TEAD4: variants seen among roughly 807,000 people sequenced by gnomAD.
TEAD4 encodes the protein TEA domain transcription factor 4, also known as transcriptional enhancer factor TEF-3.
TEAD4 carries 36 observed loss-of-function variants against 52.4 expected under a neutral mutation model. The observed-to-expected ratio is 0.69, with a 90% CI of 0.53 to 0.91. The LOEUF (loss-of-function observed/expected upper bound fraction) is 0.91, where lower values mean the gene tolerates loss of function less well. TEAD4 is among the 40% of genes least tolerant of loss of function. The probability of loss-of-function intolerance (pLI) is 0.00; values close to 1 mark genes in which losing one functional copy is unlikely to be tolerated. For synonymous variants in TEAD4, 220 were observed against 231.0 expected, an observed-to-expected ratio of 0.95 and a Z score of 0.43; for missense variants, 508 against 583.9, an observed-to-expected ratio of 0.87 and a Z score of 1.34.
chr12:3,012,139 T>G (rs1591584809), intron 4 of TEAD4, 31 bp from the exon 5 acceptor site: 1 of 1,610,384 alleles, frequency 6.2e-7, no homozygotes, highest in South Asian at 1.1e-5. Flanking sequence ...TGTTGGGAGG[T>G]AGAGACAGGA....
intron 3 of TEAD4, among the ~76,000 whole-genome samples, chr12:3,007,023 TCAAAA>T (rs961920396): frequency 1.3e-5 from 2 of 152,122 alleles, no homozygotes; most frequent in African/African-American, 4.8e-5. Context: ...AGACTCCCTC[TCAAAA>T]CAAAACAAAA....
intron 2 of TEAD4, among the ~76,000 whole-genome samples, chr12:2,971,447 GTTTTAT>G (rs1047090283): frequency 6.6e-5 from 10 of 151,896 alleles, no homozygotes; most frequent in Non-Finnish European, 1.2e-4. Context: ...TTTTTTGCGG[GTTTTAT>G]TTTTATTTTT....
chr12:3,040,067 G>C, intron 11 of TEAD4, 40 bp from the exon 12 acceptor site: 1 of 1,609,944 alleles, frequency 6.2e-7, no homozygotes, highest in East Asian at 2.2e-5. Context: ...GAGGTGGTCA[G>C]AATGGGATTC....
At chr12:3,006,890 G>A (rs888753280) in intron 3 of TEAD4, among the ~76,000 whole-genome samples, 13 of 151,416 alleles carry the variant, frequency 8.6e-5, no homozygotes, top group African/African-American at 2.9e-4. Context: ...GCCAGGTGTG[G>A]TGGTGTGCGC....
chr12:2,994,876 A>G lies in TEAD4; in HGVS notation c.110A>G (p.Asn37Ser), dbSNP rs776850143. 3.7e-6 allele frequency: 6 copies of G among 1,614,010 alleles called. No individual in the cohort carries two copies. In the East Asian group the frequency reaches 8.9e-5, roughly 24 times the overall value. Residue 37 changes from asparagine to serine, a missense_variant, in exon 3 of 13, where the codon AAT (asparagine) becomes AGT (serine). Asn to Ser is a conservative substitution (Grantham distance 46, BLOSUM62 1). Transcript: ENST00000359864. The surrounding 1 kb of genome is among the most constrained non-coding windows in gnomAD (Gnocchi z 4.7). ...CAGGCACTGGACAAGCCCATCGACA[A>G]TGACGCAGAGGGCGTGTGGAGCCCG...
chr12:2,989,193 C>T lies in TEAD4; in HGVS notation c.-29-5545C>T, dbSNP rs932856702. Among the ~76,000 whole-genome samples the T allele has an allele frequency of 4.6e-5, 7 of 152,094 alleles. No individual in the cohort carries two copies. In the East Asian group the frequency reaches 5.8e-4, roughly 13 times the overall value. On this transcript the variant is annotated intron_variant, in intron 2 of 12. Coordinates refer to ENST00000359864, the MANE Select transcript of TEAD4 (RefSeq NM_003213.4). ...GGCTTCAAGCAACCCTCCTGCCTCT[C>T]GGCCTCCCAAAGTGCTGAGATTATA...
intron 2 of TEAD4, among the ~76,000 whole-genome samples, chr12:2,983,028 G>A (rs1457260647): frequency 6.6e-6 from 1 of 152,086 alleles, no homozygotes; most frequent in African/African-American, 2.4e-5. Flanking sequence ...GGAGGTGGCG[G>A]CCCTCCTTTC....
chr12:3,010,463 T>C (rs1354135938), intron 3 of TEAD4, among the ~76,000 whole-genome samples: 1 of 152,196 alleles, frequency 6.6e-6, no homozygotes, highest in South Asian at 2.1e-4. Context: ...GCGGACGGGC[T>C]CAGGCCTCCT....
chr12:2,999,093 C>G (rs922299185), intron 3 of TEAD4, among the ~76,000 whole-genome samples: 1 of 152,184 alleles, frequency 6.6e-6, no homozygotes. Context: ...GAGCTCACCC[C>G]CAGTGTGTGG....
At chr12:2,978,061 G>T (rs1172017914) in intron 2 of TEAD4, among the ~76,000 whole-genome samples, 1 of 152,202 alleles carries the variant, frequency 6.6e-6, no homozygotes, top group Non-Finnish European at 1.5e-5. Context: ...GTGACCTGGG[G>T]ACTCTCCTGT....
At chr12:2,998,962 GCTCACCCCGTCTCTT>G (rs1335033204) in intron 3 of TEAD4, among the ~76,000 whole-genome samples, 1 of 152,128 alleles carries the variant, frequency 6.6e-6, no homozygotes, top group Non-Finnish European at 1.5e-5. Flanking sequence ...CCAGACACCC[GCTCACCCCGTCTCTT>G]CTTACCAGTC....
intron 2 of TEAD4, among the ~76,000 whole-genome samples, chr12:2,970,944 GC>G (rs1242509101): frequency 1.3e-5 from 2 of 152,328 alleles, no homozygotes; most frequent in Non-Finnish European, 2.9e-5. Context: ...GAAGAAGTAA[GC>G]TGTACCAGTG....
chr12:2,961,497 G>A (rs768333126), intron 2 of TEAD4, among the ~76,000 whole-genome samples: 3 of 152,088 alleles, frequency 2.0e-5, no homozygotes, highest in Admixed American at 6.6e-5. Context: ...TCTTCGGCCT[G>A]GTGTGCGACT....
chr12:3,032,306 G>A lies in TEAD4; in HGVS notation c.898-5662G>A, dbSNP rs551481787. Among the ~76,000 whole-genome samples, 90 of 152,302 alleles carry A rather than the reference G, an allele frequency of 5.9e-4. 1 individual carries two copies. The highest frequency in any genetic ancestry group is 6.2e-4 in the South Asian group (3 of 4,828). ...GATTCAGCAGGTTCCCTTGTGGACC[G>A]TGTGCTCCAGCCGTGTGCTGTACGG... is the stretch of plus-strand genomic sequence containing the variant. On this transcript the variant is annotated intron_variant, in intron 10 of 12. Coordinates refer to ENST00000359864, the MANE Select transcript of TEAD4 (RefSeq NM_003213.4).
chr12:3,002,136 G>T (rs2098252222), intron 3 of TEAD4, among the ~76,000 whole-genome samples: 1 of 152,092 alleles, frequency 6.6e-6, no homozygotes, highest in Admixed American at 6.5e-5. Flanking sequence ...TTTTATGTCT[G>T]GCTTATTTCA....
intron 5 of TEAD4, among the ~76,000 whole-genome samples, chr12:3,013,465 G>A (rs1399990447): frequency 6.6e-5 from 10 of 152,110 alleles, no homozygotes; most frequent in South Asian, 2.1e-4. Context: ...GAGGCCAGGC[G>A]CGGTGGCTCA....
In TEAD4 at chr12:3,018,417, T is replaced by G. The variant is rs576120851; in HGVS notation, c.484-128T>G. The stretch of plus-strand genomic sequence containing the variant: ...CTGTGGCCTGTTAGCATTCACTAGC[T>G]AGGCGAGGCCTCGGGCTCCAGCCTC... On this transcript the variant is annotated intron_variant, in intron 6 of 12. Coordinates refer to ENST00000359864, the MANE Select transcript of TEAD4 (RefSeq NM_003213.4). 5.4e-4 allele frequency: 558 copies of G among 1,031,762 alleles called. 5 individuals carry two copies. In the East Asian group the frequency reaches 0.011, roughly 21 times the overall value. The allele number at this position is 1,031,762 out of a possible 1,614,324, so 63.9% of individuals were successfully genotyped here. A position where few individuals can be genotyped will look rare whatever the true frequency, so the allele number is the denominator to read the frequency against.
chr12:2,991,112 T>G (rs2098242622), intron 2 of TEAD4, among the ~76,000 whole-genome samples: 1 of 152,136 alleles, frequency 6.6e-6, no homozygotes, highest in African/African-American at 2.4e-5. Flanking sequence ...GGCAGGAGGA[T>G]CTCTTGAACC....
intron 10 of TEAD4, among the ~76,000 whole-genome samples, chr12:3,024,219 C>T (rs2153957681): frequency 6.6e-6 from 1 of 152,096 alleles, no homozygotes; most frequent in East Asian, 1.9e-4. Flanking sequence ...GGACTACAGG[C>T]ACCCGCCACC....
Sources: gnomAD v4.1 joint callset for allele counts (sites outside exome capture counted in the v4.1 genomes callset) on GRCh38, gnomAD v4.1.1 for gene constraint, Gnocchi (gnomAD v3.1) non-coding constraint, MANE v1.5 for transcripts, NCBI Gene and HGNC (gene_info 2026-07-23, HGNC 2026-07-21) for gene names.